Variants in KLHL13 observed in about 807,000 individuals in gnomAD.
The protein encoded by KLHL13 is kelch-like protein 13.
Under a neutral mutation model 37.1 loss-of-function variants are expected in KLHL13, and 10 were observed. That is an observed-to-expected ratio of 0.27 (90% CI 0.17 to 0.46). The LOEUF is 0.46. Among genes scored for constraint, KLHL13 ranks in the 20% least tolerant of loss-of-function variants. KLHL13 has a pLI of 1.00. For missense variants in KLHL13, 360 were observed against 509.3 expected (o/e 0.71, Z 2.82); for synonymous variants, 163 against 181.2 (o/e 0.90, Z 0.81).
At chrX:118,018,441 CTTTA>C (rs1212197828) in intron 1 of KLHL13, among the ~76,000 whole-genome samples, 1 of 111,302 alleles carries the variant, frequency 9.0e-6, no homozygotes, top group African/African-American at 3.3e-5. Context: ...TTTACTAGTC[CTTTA>C]TTTAGTAAAT....
At chrX:117,991,846 A>ACT (rs56373597) in intron 1 of KLHL13, among the ~76,000 whole-genome samples, 3,321 of 63,422 alleles carry the variant, frequency 0.052, 161 homozygotes, top group Non-Finnish European at 0.059. Context: ...CTACAGTGAA[A>ACT]CTCTCTCTCT....
upstream of KLHL13, among the ~76,000 whole-genome samples, chrX:117,977,197 A>T (rs746518342): frequency 1.8e-5 from 2 of 112,036 alleles, no homozygotes; most frequent in South Asian, 7.4e-4. Context: ...TTATATGTTC[A>T]CTGAAAAATA....
At chrX:118,043,428 C>T (rs1480424228) in intron 1 of KLHL13, among the ~76,000 whole-genome samples, 1 of 111,602 alleles carries the variant, frequency 9.0e-6, no homozygotes, top group Non-Finnish European at 1.9e-5. Flanking sequence ...AACAAAGACA[C>T]ATCACAGAAA....
chrX:117,981,748 T>C (rs1201518991), intron 1 of KLHL13, among the ~76,000 whole-genome samples: 1 of 111,458 alleles, frequency 9.0e-6, no homozygotes, highest in Non-Finnish European at 1.9e-5. Flanking sequence ...TATCAATTTT[T>C]CAGATTCAGA....
intron 5 of KLHL13, among the ~76,000 whole-genome samples, chrX:117,908,639 CAAAGTACATTTATGA>C (rs1305748329): frequency 1.8e-5 from 2 of 111,481 alleles, no homozygotes; most frequent in Admixed American, 1.9e-4. Context: ...TATTCTACAT[CAAAGTACATTTATGA>C]CCAATTTTAT....
chrX:118,016,944 G>A (rs2054134044), intron 1 of KLHL13, among the ~76,000 whole-genome samples: 1 of 111,720 alleles, frequency 9.0e-6, no homozygotes, highest in African/African-American at 3.2e-5. Flanking sequence ...TTTCACAAAT[G>A]CATTCCCTTT....
chrX:117,905,680 G>A (rs1220482459), intron 5 of KLHL13, among the ~76,000 whole-genome samples: 2 of 110,171 alleles, frequency 1.8e-5, no homozygotes, highest in African/African-American at 6.6e-5. Context: ...AATTTTTGTG[G>A]GTACATAGTA....
At chrX:117,998,085 T>C (rs1034511664) in intron 1 of KLHL13, among the ~76,000 whole-genome samples, 2 of 109,312 alleles carry the variant, frequency 1.8e-5, no homozygotes, top group African/African-American at 6.7e-5. Context: ...TGAAGGCAAA[T>C]AGATGGAGAA....
chrX:118,096,888 C>T (rs1376508184), intron 1 of KLHL13, among the ~76,000 whole-genome samples: 6 of 111,549 alleles, frequency 5.4e-5, no homozygotes, highest in African/African-American at 2.0e-4. Context: ...ACGCTTCATG[C>T]TAAAAACTCT....
chrX:117,954,282 T>C (rs893966160), intron 1 of KLHL13, among the ~76,000 whole-genome samples: 10 of 112,326 alleles, frequency 8.9e-5, no homozygotes, highest in African/African-American at 3.2e-4. Flanking sequence ...TCATGTCCAA[T>C]TCATCTTGAC....
chrX:117,949,062 TGTAA>T (rs1331457812), intron 1 of KLHL13, among the ~76,000 whole-genome samples: 1 of 112,056 alleles, frequency 8.9e-6, no homozygotes, highest in East Asian at 2.8e-4. Flanking sequence ...AACGGAAACA[TGTAA>T]GTGATATGAG....
At chrX:118,112,005 G>C (rs1428464049) in intron 1 of KLHL13, among the ~76,000 whole-genome samples, 4 of 111,999 alleles carry the variant, frequency 3.6e-5, no homozygotes, top group African/African-American at 9.7e-5. Context: ...TTTTACATAT[G>C]AGATAACTGA....
intron 1 of KLHL13, among the ~76,000 whole-genome samples, chrX:118,064,293 TA>T (rs1263603769): frequency 2.7e-5 from 3 of 111,920 alleles, no homozygotes. Flanking sequence ...ATGGAAAGCT[TA>T]AAATACTGCC....
chrX:118,049,461 AT>A (rs1201237785), intron 1 of KLHL13, among the ~76,000 whole-genome samples: 1 of 111,638 alleles, frequency 9.0e-6, no homozygotes, highest in African/African-American at 3.3e-5. Context: ...ACAAAAGTTG[AT>A]TTTTTTAAAT....
chrX:118,110,160 C>A (rs193138686), intron 1 of KLHL13, among the ~76,000 whole-genome samples: 2 of 110,860 alleles, frequency 1.8e-5, no homozygotes, highest in Admixed American at 9.6e-5. Context: ...AAACCCAATT[C>A]ATATCATGGA....
intron 1 of KLHL13, among the ~76,000 whole-genome samples, chrX:118,014,566 G>T (rs369289425): frequency 2.7e-5 from 3 of 111,895 alleles, no homozygotes; most frequent in African/African-American, 9.7e-5. Flanking sequence ...TGATCTTTTT[G>T]ACTTACTCCC....
At chrX:117,951,296 T>C (rs775550810) in intron 1 of KLHL13, among the ~76,000 whole-genome samples, 3 of 111,934 alleles carry the variant, frequency 2.7e-5, no homozygotes, top group Admixed American at 9.5e-5. Flanking sequence ...GAAAGATTTG[T>C]CCCCCAACTA....
At chrX:117,966,288 A>G (rs1045266789) in intron 1 of KLHL13, among the ~76,000 whole-genome samples, 2 of 111,821 alleles carry the variant, frequency 1.8e-5, no homozygotes, top group African/African-American at 6.5e-5. Context: ...CAGCCAAATC[A>G]TGAGGGAACT....
chrX:118,075,435 G>C (rs894436120), intron 1 of KLHL13, among the ~76,000 whole-genome samples: 2 of 111,970 alleles, frequency 1.8e-5, no homozygotes, highest in Non-Finnish European at 3.8e-5. Context: ...CCTGAAGTCA[G>C]TGGATAAGTT....
Sources: allele counts gnomAD v4.1 joint callset (sites outside exome capture counted in the v4.1 genomes callset), GRCh38; gene constraint gnomAD v4.1.1; transcripts MANE v1.5; gene names NCBI Gene and HGNC (gene_info 2026-07-23, HGNC 2026-07-21).